RBFOX1: variants seen among roughly 807,000 people sequenced by gnomAD.
The protein encoded by RBFOX1 is RNA binding protein fox-1 homolog 1.
Under a neutral mutation model 57.7 loss-of-function variants are expected in RBFOX1, and 8 were observed. The ratio of observed to expected loss-of-function variants is 0.14; its 90% CI spans 0.08 to 0.25. The LOEUF (loss-of-function observed/expected upper bound fraction) is 0.25, where lower values mean the gene tolerates loss of function less well. Ranked by LOEUF, RBFOX1 falls within the 10% of genes least tolerant of loss-of-function variation. RBFOX1 has a pLI of 1.00. For synonymous variants in RBFOX1, 326 were observed against 222.4 expected (o/e 1.47, Z -4.15); for missense variants, 611 against 548.5 (o/e 1.11, Z -1.14).
chr16:7,564,112 G>C (rs1487057709), intron 5 of RBFOX1, among the ~76,000 whole-genome samples: 1 of 152,138 alleles, frequency 6.6e-6, no homozygotes, highest in African/African-American at 2.4e-5. Context: ...CAAAGGGATG[G>C]TGTTTGGAAA....
rs1183433706 is a variant in RBFOX1, at chr16:6,736,882, G to T, written c.-16+82232G>T. Among the ~76,000 whole-genome samples the T allele has an allele frequency of 2.0e-5, 3 of 152,272 alleles. No homozygotes were observed. The East Asian group carries it at 5.8e-4, about 29-fold the overall frequency. ...CCTAGAGTCTGAAGCAATTGATTTG[G>T]AGCCTAGGTATAGACTTAGCAGGGA... On this transcript the variant is annotated intron_variant, in intron 3 of 15. Coordinates refer to ENST00000550418, the MANE Select transcript of RBFOX1 (RefSeq NM_018723.4).
intron 3 of RBFOX1, among the ~76,000 whole-genome samples, chr16:6,789,646 A>G (rs527911618): frequency 6.6e-6 from 1 of 152,272 alleles, no homozygotes; most frequent in South Asian, 2.1e-4. Flanking sequence ...ATTTGTGTGC[A>G]TTGGTGTGAG....
chr16:6,883,361 A>C (rs1290640328), intron 3 of RBFOX1, among the ~76,000 whole-genome samples: 1 of 152,212 alleles, frequency 6.6e-6, no homozygotes, highest in Non-Finnish European at 1.5e-5. Flanking sequence ...AAAAGAGTAT[A>C]ATCAAGTAAA....
At chr16:7,385,241 C>T (rs1190268155) in intron 4 of RBFOX1, among the ~76,000 whole-genome samples, 1 of 152,146 alleles carries the variant, frequency 6.6e-6, no homozygotes, top group Non-Finnish European at 1.5e-5. Flanking sequence ...CCACGTGAAA[C>T]ATAGACCAGT....
chr16:5,639,375 C>T (rs939349398), intron 3 of RBFOX1, among the ~76,000 whole-genome samples: 24 of 152,248 alleles, frequency 1.6e-4, no homozygotes, highest in Admixed American at 1.4e-3. Context: ...ATTTTGCCTG[C>T]AGAGTTGTTA....
chr16:7,151,230 T>C (rs1458891706), intron 4 of RBFOX1, among the ~76,000 whole-genome samples: 2 of 152,214 alleles, frequency 1.3e-5, no homozygotes, highest in African/African-American at 4.8e-5. Flanking sequence ...AAGTCACTCA[T>C]AGAATGGGAG....
intron 3 of RBFOX1, among the ~76,000 whole-genome samples, chr16:5,689,958 G>T (rs778842950): frequency 6.6e-6 from 1 of 152,204 alleles, no homozygotes; most frequent in East Asian, 1.9e-4. Context: ...GCATGGCCAT[G>T]CAGAGAGACA....
intron 4 of RBFOX1, among the ~76,000 whole-genome samples, chr16:5,970,277 C>CT (rs202000774): frequency 4.6e-5 from 7 of 151,044 alleles, no homozygotes; most frequent in South Asian, 2.1e-4. Context: ...TCTGGTTACT[C>CT]TTTTTTTTTA....
chr16:7,709,868 G>C, intron 15 of RBFOX1: 2 of 1,145,464 alleles, frequency 1.7e-6, no homozygotes, highest in Non-Finnish European at 2.1e-6. Flanking sequence ...TCACGTGAGA[G>C]CATATGCAAT....
At chr16:6,841,588 C>T (rs986195749) in intron 3 of RBFOX1, among the ~76,000 whole-genome samples, 3 of 152,160 alleles carry the variant, frequency 2.0e-5, no homozygotes, top group African/African-American at 7.2e-5. Flanking sequence ...TGTCCACCCA[C>T]AGTTGAAGAG....
intron 3 of RBFOX1, among the ~76,000 whole-genome samples, chr16:6,790,589 C>T (rs2082758122): frequency 6.6e-6 from 1 of 152,164 alleles, no homozygotes; most frequent in Non-Finnish European, 1.5e-5. Context: ...CCCAACACTG[C>T]CTTCTCCAAT....
intron 1 of RBFOX1, among the ~76,000 whole-genome samples, chr16:5,362,208 T>C (rs1039355153): frequency 1.1e-4 from 16 of 152,332 alleles, no homozygotes; most frequent in Admixed American, 3.9e-4. Flanking sequence ...TTTTTTTTTT[T>C]TGAGATGGAG....
intron 2 of RBFOX1, among the ~76,000 whole-genome samples, chr16:6,559,104 T>C (rs2097144015): frequency 8.6e-6 from 1 of 116,462 alleles, no homozygotes; most frequent in African/African-American, 4.0e-5. Context: ...CCAGTTTATA[T>C]ATACATATGT....
In RBFOX1 at chr16:7,518,259, A is replaced by C. The variant is rs762635633; in HGVS notation, c.140A>C (p.His47Pro). 2 of 1,613,456 alleles carry C rather than the reference A, an allele frequency of 1.2e-6. No individual in the cohort carries two copies. Among genetic ancestry groups the C allele is most frequent in the Non-Finnish European group, 8.5e-7 (1 of 1,179,856 alleles). ...GCGGAATACACGGCCCCTCATCCCC[A>C]CCCCGCGCCAGAGTACACAGGCCAG... ...IPAEYTAPHP[H>P]PAPEYTGQTT... The change falls in exon 5 of 16, where the codon CAC becomes CCC. Residue 47 changes from histidine (H) to proline (P), a missense_variant. Physicochemically the swap from His to Pro is moderately conservative, Grantham distance 77. Transcript: ENST00000550418.
At chr16:7,441,319 T>A (rs9935989) in intron 4 of RBFOX1, among the ~76,000 whole-genome samples, 3,319 of 152,300 alleles carry the variant, frequency 0.022, 113 homozygotes, top group African/African-American at 0.076. Flanking sequence ...TAGTTCCATT[T>A]GAGATGGTGA....
chr16:6,519,546 C>T (rs1344266840), intron 2 of RBFOX1, among the ~76,000 whole-genome samples: 1 of 152,048 alleles, frequency 6.6e-6, no homozygotes, highest in African/African-American at 2.4e-5. Context: ...ACTAAAAATA[C>T]AAAAATTAGC....
intron 3 of RBFOX1, among the ~76,000 whole-genome samples, chr16:6,724,527 G>C (rs2066731444): frequency 6.6e-6 from 1 of 152,058 alleles, no homozygotes; most frequent in Non-Finnish European, 1.5e-5. Context: ...TGTGGACGAG[G>C]AAGCAGGCCC....
chr16:6,151,441 A>C (rs1294377064), intron 1 of RBFOX1, among the ~76,000 whole-genome samples: 1 of 151,918 alleles, frequency 6.6e-6, no homozygotes, highest in African/African-American at 2.4e-5. Flanking sequence ...GCGCTTCACC[A>C]CACCCGGCTA....
At chr16:6,795,665 C>G (rs1445238446) in intron 3 of RBFOX1, among the ~76,000 whole-genome samples, 1 of 151,720 alleles carries the variant, frequency 6.6e-6, no homozygotes, top group Non-Finnish European at 1.5e-5. Flanking sequence ...ACTTGGGAGG[C>G]TGAGGCAGGA....
Sources: gnomAD v4.1 joint callset for allele counts (sites outside exome capture counted in the v4.1 genomes callset) on GRCh38, gnomAD v4.1.1 for gene constraint, MANE v1.5 for transcripts, NCBI Gene and HGNC (gene_info 2026-07-23, HGNC 2026-07-21) for gene names.